RHCG: variants seen among roughly 807,000 people sequenced by gnomAD.
The protein encoded by RHCG is ammonium transporter Rh type C.
Under a neutral mutation model 55.3 loss-of-function variants are expected in RHCG, and 39 were observed. The observed-to-expected ratio is 0.70, with a 90% CI of 0.55 to 0.92. RHCG has a LOEUF of 0.92. Ranked by LOEUF, RHCG falls within the 40% of genes least tolerant of loss-of-function variation. RHCG has a pLI of 0.00. For synonymous variants in RHCG, 250 were observed against 246.8 expected (o/e 1.01, Z -0.12); for missense variants, 635 against 627.9 (o/e 1.01, Z -0.12).
intron 1 of RHCG, among the ~76,000 whole-genome samples, chr15:89,495,322 G>T (rs1485347688): frequency 1.3e-5 from 2 of 152,198 alleles, no homozygotes; most frequent in Non-Finnish European, 2.9e-5. Context: ...AGAATCCCCT[G>T]TTGCCGAGAA....
At position 89,486,851 on chromosome 15, in the gene RHCG, G is replaced by A. The variant is rs996301634; in HGVS notation, c.319C>T (p.Gln107Ter). ...AFGIQWALLM[Q>*]GWFHFLQDRY... is the part of the protein sequence containing the mutation. ...TCTTGTAAGAAGTGGAACCAGCCCT[G>A]CATGAGCAGCGCCCACTGGATGCCG... The change falls in exon 2 of 11, where the codon CAG (glutamine) becomes TAG (stop). Residue 107 changes from glutamine to a stop codon, truncating the protein, a stop_gained. Coordinates refer to ENST00000268122, the MANE Select transcript of RHCG (RefSeq NM_016321.3). LOFTEE classifies it high-confidence loss of function. 3 of 1,610,900 alleles carry A rather than the reference G, an allele frequency of 1.9e-6. No homozygotes were observed. Among genetic ancestry groups the A allele is most frequent in the South Asian group, 1.1e-5 (1 of 90,948 alleles).
At position 89,477,050 on chromosome 15, in the gene RHCG, C is replaced by G. The variant is rs1961164420; in HGVS notation, c.1237+32G>C. 2.5e-6 allele frequency: 4 copies of G among 1,613,486 alleles called. No homozygotes were observed. The highest frequency in any genetic ancestry group is 1.7e-5 in the Admixed American group (1 of 59,978). On this transcript the variant is annotated intron_variant, in intron 8 of 10. Coordinates refer to ENST00000268122, the MANE Select transcript of RHCG (RefSeq NM_016321.3). This position sits in a 1 kb window ranked among gnomAD's most constrained non-coding sequence, Gnocchi z 4.5. Reference sequence around the variant, plus strand: ...CACCCAGGGAGCCCCACAGCAGCACCCCCCTTCTCTGGCTCAGCCATTCCT... The same window carrying G: ...CACCCAGGGAGCCCCACAGCAGCACGCCCCTTCTCTGGCTCAGCCATTCCT...
At chr15:89,473,634 A>G (rs2141885279) in intron 9 of RHCG, among the ~76,000 whole-genome samples, 1 of 152,260 alleles carries the variant, frequency 6.6e-6, no homozygotes, top group East Asian at 1.9e-4. Context: ...CAATAAAAAT[A>G]ATAAAAACAA....
chr15:89,487,123 G>C, intron 1 of RHCG, 138 bp from the exon 2 acceptor site: 2 of 752,292 alleles, frequency 2.7e-6, no homozygotes, highest in African/African-American at 1.8e-5. Context: ...ATCCTAACCC[G>C]GTTCCCCCAC....
intron 10 of RHCG, among the ~76,000 whole-genome samples, chr15:89,472,290 C>T (rs575382149): frequency 2.0e-5 from 3 of 152,036 alleles, no homozygotes; most frequent in Non-Finnish European, 4.4e-5. Flanking sequence ...TGTTAGTTGA[C>T]GGAAAGAAAG....
intron 1 of RHCG, among the ~76,000 whole-genome samples, chr15:89,489,537 C>T (rs1355478935): frequency 6.6e-6 from 1 of 152,146 alleles, no homozygotes; most frequent in African/African-American, 2.4e-5. Flanking sequence ...ACAGGCCTGT[C>T]CCAGCCCCGC....
chr15:89,486,599 A>AGAGAGAGTGTGAGTGT, intron 2 of RHCG, 200 bp downstream of exon 2: 31 of 264,440 alleles, frequency 1.2e-4, no homozygotes, highest in Non-Finnish European at 1.7e-4. Context: ...AGAGAGAGAG[A>AGAGAGAGTGTGAGTGT]GTGTGTGTGT....
At chr15:89,478,507 A>G (rs1432767431) in intron 5 of RHCG, among the ~76,000 whole-genome samples, 3 of 152,156 alleles carry the variant, frequency 2.0e-5, no homozygotes, top group Non-Finnish European at 4.4e-5. Context: ...CAGATGGCGA[A>G]ACTGAGGTGA....
rs1383231904 is a variant in RHCG at position 89,479,227 on chromosome 15, G to A, written c.837+95C>T. 10 of 1,320,946 alleles carry A rather than the reference G, an allele frequency of 7.6e-6. No individual in the cohort carries two copies. The Admixed American group carries it at 9.1e-5, about 12-fold the overall frequency. 81.8% of individuals were successfully genotyped at this position (1,320,946 alleles called of 1,614,324 possible). A position where few individuals can be genotyped will look rare whatever the true frequency, so the allele number is the denominator to read the frequency against. On this transcript the variant is annotated intron_variant, in intron 5 of 10. Coordinates refer to ENST00000268122, the MANE Select transcript of RHCG (RefSeq NM_016321.3). ...CCCCAACCTCATCTGCAAGATGGGT[G>A]TGATGATCCCCTCAGAGGTGTTGGC...
At chr15:89,478,746 C>A (rs903350319) in intron 5 of RHCG, among the ~76,000 whole-genome samples, 1 of 152,154 alleles carries the variant, frequency 6.6e-6, no homozygotes, top group African/African-American at 2.4e-5. Flanking sequence ...ATAATCGATA[C>A]TCCAGACAGT....
chr15:89,477,039 C>A lies in RHCG; in HGVS notation c.1237+43G>T, dbSNP rs1961163896. On this transcript the variant is annotated intron_variant, in intron 8 of 10. Transcript: ENST00000268122. The surrounding 1 kb of genome is among the most constrained non-coding windows in gnomAD (Gnocchi z 4.5). ...CTTTGCTTCTCCACCCAGGGAGCCC[C>A]ACAGCAGCACCCCCCTTCTCTGGCT... 4 of 1,612,682 alleles carry A rather than the reference C, an allele frequency of 2.5e-6. No homozygotes were observed. Among genetic ancestry groups the A allele is most frequent in the Non-Finnish European group, 2.5e-6 (3 of 1,179,102 alleles).
At chr15:89,487,087 CCACTGGCG>C in intron 1 of RHCG, 102 bp from the exon 2 acceptor site, 1 of 1,091,028 alleles carries the variant, frequency 9.2e-7, no homozygotes, top group Non-Finnish European at 1.3e-6. Context: ...GTCTTCCCCG[CCACTGGCG>C]CGTCTCCCTG....
At chr15:89,482,964 T>C (rs1456812398) in intron 3 of RHCG, 103 bp downstream of exon 3, 4 of 1,190,984 alleles carry the variant, frequency 3.4e-6, no homozygotes, top group Non-Finnish European at 4.6e-6. Context: ...GGAAGTTAAG[T>C]GACTCGCCAG....
At chr15:89,472,690 C>A (rs1961060505) in intron 10 of RHCG, 21 bp downstream of exon 10, 1 of 1,599,014 alleles carries the variant, frequency 6.3e-7, no homozygotes, top group South Asian at 1.1e-5. Context: ...CTGTCATCCC[C>A]CAAGCCAAGC....
chr15:89,496,263 G>A, intron 1 of RHCG, 98 bp downstream of exon 1: 2 of 1,282,000 alleles, frequency 1.6e-6, no homozygotes, highest in East Asian at 4.7e-5. Flanking sequence ...CGGCTGCAGG[G>A]TAGATCCCCT....
At chr15:89,489,390 C>T (rs902738176) in intron 1 of RHCG, among the ~76,000 whole-genome samples, 1 of 152,134 alleles carries the variant, frequency 6.6e-6, no homozygotes, top group Non-Finnish European at 1.5e-5. Flanking sequence ...TCCCAGAGTG[C>T]TGCGATTACA....
chr15:89,483,287 G>T, intron 2 of RHCG, 70 bp from the exon 3 acceptor site: 1 of 1,389,020 alleles, frequency 7.2e-7, no homozygotes, highest in Non-Finnish European at 9.6e-7. Flanking sequence ...CCTGGACTTT[G>T]GTCATATATG....
In RHCG at chr15:89,477,926, C is replaced by T. The variant is rs756228138; in HGVS notation, c.886G>A (p.Ala296Thr). 8.1e-6 allele frequency: 13 copies of T among 1,613,236 alleles called. No homozygotes were observed. The highest frequency in any genetic ancestry group is 3.3e-5 in the Admixed American group (2 of 59,950). ...TLAGGVAVGT[A>T]AEMMLMPYGA... is the part of the protein sequence containing the mutation. Reference sequence around the variant, plus strand: ...TAAGGCATGAGCATCATCTCAGCAGCGGTACCCACGGCCACCCCTCCTGCG... The same window carrying T: ...TAAGGCATGAGCATCATCTCAGCAGTGGTACCCACGGCCACCCCTCCTGCG... Residue 296 changes from alanine (A) to threonine (T), a missense_variant, in exon 6 of 11, where the codon GCT becomes ACT. Transcript: ENST00000268122. The surrounding 1 kb of genome is among the most constrained non-coding windows in gnomAD (Gnocchi z 4.5).
At chr15:89,478,663 C>T (rs767640216) in intron 5 of RHCG, among the ~76,000 whole-genome samples, 1 of 152,178 alleles carries the variant, frequency 6.6e-6, no homozygotes, top group Non-Finnish European at 1.5e-5. Flanking sequence ...CACAGGTGTG[C>T]CAGTCTGTGT....
Sources: allele counts gnomAD v4.1 joint callset (sites outside exome capture counted in the v4.1 genomes callset), GRCh38; gene constraint gnomAD v4.1.1; non-coding constraint Gnocchi (gnomAD v3.1); transcripts MANE v1.5; gene names NCBI Gene and HGNC (gene_info 2026-07-23, HGNC 2026-07-21).